Variants in ANKFN1 observed in about 807,000 individuals in gnomAD.
The protein encoded by ANKFN1 is ankyrin repeat and fibronectin type-III domain-containing protein 1.
Under a neutral mutation model 108.7 loss-of-function variants are expected in ANKFN1, and 74 were observed. That is an observed-to-expected ratio of 0.68 (90% CI 0.56 to 0.83). The LOEUF is 0.83. ANKFN1 is among the 40% of genes least tolerant of loss of function. ANKFN1 has a pLI of 0.00. For missense variants in ANKFN1, 1,505 were observed against 1,382.3 expected (o/e 1.09, Z -1.41); for synonymous variants, 547 against 516.2 (o/e 1.06, Z -0.81).
chr17:56,189,533 C>T (rs1393912089), intron 1 of ANKFN1, among the ~76,000 whole-genome samples: 1 of 152,066 alleles, frequency 6.6e-6, no homozygotes, highest in Non-Finnish European at 1.5e-5. Flanking sequence ...ATGCAGGGAC[C>T]CTCACTTTAT....
chr17:56,161,313 C>T (rs552600573), intron 1 of ANKFN1, among the ~76,000 whole-genome samples: 1 of 152,272 alleles, frequency 6.6e-6, no homozygotes, highest in South Asian at 2.1e-4. Context: ...TACTATAGAA[C>T]TTGTTCTTGT....
chr17:56,431,085 A>T (rs2048739041), intron 8 of ANKFN1, among the ~76,000 whole-genome samples: 2 of 152,234 alleles, frequency 1.3e-5, no homozygotes, highest in Non-Finnish European at 2.9e-5. Flanking sequence ...AGAGACAGAA[A>T]CAAAACAAGT....
At chr17:56,423,963 G>GT (rs921838457) in intron 8 of ANKFN1, among the ~76,000 whole-genome samples, 1 of 152,208 alleles carries the variant, frequency 6.6e-6, no homozygotes, top group African/African-American at 2.4e-5. Flanking sequence ...ACATAAAGAT[G>GT]TTTTTAAACT....
chr17:56,487,880 G>T (rs951148494), intron 18 of ANKFN1, among the ~76,000 whole-genome samples: 1 of 152,164 alleles, frequency 6.6e-6, no homozygotes, highest in African/African-American at 2.4e-5. Context: ...AAGCAGAAGG[G>T]ACAGTATGTA....
At chr17:56,404,871 C>T (rs1598542700) in intron 8 of ANKFN1, among the ~76,000 whole-genome samples, 2 of 152,310 alleles carry the variant, frequency 1.3e-5, no homozygotes, top group East Asian at 3.9e-4. Context: ...GTAATACTCT[C>T]CCCCTTTTCC....
chr17:56,058,574 G>T (rs1055963731), intron 4 of ANKFN1, among the ~76,000 whole-genome samples: 4 of 151,748 alleles, frequency 2.6e-5, no homozygotes, highest in Non-Finnish European at 5.9e-5. Context: ...CATCCTCTAA[G>T]TTCCCTCCCC....
At chr17:56,493,791 A>G (rs1462907668) in intron 19 of ANKFN1, among the ~76,000 whole-genome samples, 1 of 152,162 alleles carries the variant, frequency 6.6e-6, no homozygotes, top group South Asian at 2.1e-4. Context: ...TAAGGATTTG[A>G]GAAGACTAAA....
chr17:56,179,057 G>C (rs554086905), intron 1 of ANKFN1, among the ~76,000 whole-genome samples: 2 of 152,274 alleles, frequency 1.3e-5, no homozygotes, highest in African/African-American at 4.8e-5. Context: ...TTTTTCTTGT[G>C]TATTAATGTA....
chr17:56,189,014 CAT>C (rs1912579165), intron 1 of ANKFN1, among the ~76,000 whole-genome samples: 1 of 151,914 alleles, frequency 6.6e-6, no homozygotes, highest in Non-Finnish European at 1.5e-5. Flanking sequence ...TTGGTGAACA[CAT>C]AGGGGTACTG....
intron 8 of ANKFN1, among the ~76,000 whole-genome samples, chr17:56,387,294 G>A (rs2047302966): frequency 6.6e-6 from 1 of 152,092 alleles, no homozygotes; most frequent in Non-Finnish European, 1.5e-5. Context: ...GTTTAAGGCT[G>A]TAAATGTTCC....
intron 4 of ANKFN1, among the ~76,000 whole-genome samples, chr17:56,338,200 G>A (rs992269438): frequency 2.0e-5 from 3 of 152,008 alleles, no homozygotes; most frequent in Non-Finnish European, 1.5e-5. Context: ...ACTATCACAA[G>A]GACAGAAAAC....
At chr17:56,155,528 A>C (rs1909020102) in intron 1 of ANKFN1, among the ~76,000 whole-genome samples, 2 of 152,158 alleles carry the variant, frequency 1.3e-5, no homozygotes, top group South Asian at 4.1e-4. Flanking sequence ...CGTGGTCAGG[A>C]AGGTTCTCTT....
intron 4 of ANKFN1, among the ~76,000 whole-genome samples, chr17:56,125,150 C>T (rs2143315295): frequency 6.6e-6 from 1 of 152,348 alleles, no homozygotes; most frequent in South Asian, 2.1e-4. Context: ...CAACATCTTC[C>T]TTTCATGTGT....
At chr17:56,366,648 A>G (rs893184795) in intron 6 of ANKFN1, among the ~76,000 whole-genome samples, 11 of 152,206 alleles carry the variant, frequency 7.2e-5, no homozygotes, top group Non-Finnish European at 1.5e-5. Flanking sequence ...ATTTAGATAT[A>G]CAAATACTAT....
chr17:56,484,091 C>T (rs906689653), intron 18 of ANKFN1, among the ~76,000 whole-genome samples: 8 of 152,000 alleles, frequency 5.3e-5, no homozygotes, highest in Non-Finnish European at 1.0e-4. Flanking sequence ...AAAAAGAAAA[C>T]CTTTCTTGTT....
At chr17:56,339,038 T>C (rs987452678) in intron 4 of ANKFN1, among the ~76,000 whole-genome samples, 4 of 152,128 alleles carry the variant, frequency 2.6e-5, no homozygotes. Flanking sequence ...AATGTCTTTC[T>C]ATTTGTTTAT....
chr17:56,415,159 A>G (rs1041799079), intron 8 of ANKFN1, among the ~76,000 whole-genome samples: 3 of 152,226 alleles, frequency 2.0e-5, no homozygotes, highest in Non-Finnish European at 4.4e-5. Context: ...CTGGAACATG[A>G]CAAGGATGCC....
chr17:56,419,543 CA>C (rs1157741289), intron 8 of ANKFN1, among the ~76,000 whole-genome samples: 1 of 151,566 alleles, frequency 6.6e-6, no homozygotes, highest in African/African-American at 2.4e-5. Context: ...CCTGTAATCC[CA>C]GCACTTTGGG....
At chr17:56,453,321 A>G (rs1056961921) in intron 11 of ANKFN1, among the ~76,000 whole-genome samples, 2 of 152,128 alleles carry the variant, frequency 1.3e-5, no homozygotes, top group Non-Finnish European at 2.9e-5. Flanking sequence ...ATGATAAATT[A>G]TATGATTATT....
Sources: allele counts gnomAD v4.1 joint callset (sites outside exome capture counted in the v4.1 genomes callset), GRCh38; gene constraint gnomAD v4.1.1; transcripts MANE v1.5; gene names NCBI Gene and HGNC (gene_info 2026-07-23, HGNC 2026-07-21).